NCKAP5: variants seen among roughly 807,000 people sequenced by gnomAD.
NCKAP5 encodes the protein nck-associated protein 5.
Under a neutral mutation model 167.0 loss-of-function variants are expected in NCKAP5, and 92 were observed. The observed-to-expected ratio is 0.55, with a 90% confidence interval of 0.47 to 0.66. The LOEUF is 0.66. NCKAP5 is among the 30% of genes least tolerant of loss of function. The probability of loss-of-function intolerance (pLI) is 0.00; values close to 1 mark genes in which losing one functional copy is unlikely to be tolerated. For synonymous variants in NCKAP5, 891 were observed against 877.4 expected, an observed-to-expected ratio of 1.02 and a Z score of -0.27; for missense variants, 2,378 against 2,315.0, an observed-to-expected ratio of 1.03 and a Z score of -0.56.
At chr2:132,790,740 C>T (rs1684000449) in intron 12 of NCKAP5, among the ~76,000 whole-genome samples, 1 of 152,132 alleles carries the variant, frequency 6.6e-6, no homozygotes, top group Non-Finnish European at 1.5e-5. Flanking sequence ...TCTCTTTCTT[C>T]AAAGGAAATC....
chr2:132,725,525 A>T (rs911003433), intron 19 of NCKAP5, 102 bp downstream of exon 19: 9 of 1,375,344 alleles, frequency 6.5e-6, no homozygotes, highest in African/African-American at 1.5e-5. Flanking sequence ...TGAAGAAAAA[A>T]CATAAAATCA....
intron 3 of NCKAP5, among the ~76,000 whole-genome samples, chr2:133,385,278 G>A (rs544902820): frequency 6.6e-6 from 1 of 152,230 alleles, no homozygotes; most frequent in African/African-American, 2.4e-5. Flanking sequence ...TTTTGTCAAA[G>A]GCCTTTTCTG....
At chr2:133,451,593 C>T (rs551531460) in intron 3 of NCKAP5, among the ~76,000 whole-genome samples, 1 of 152,304 alleles carries the variant, frequency 6.6e-6, no homozygotes, top group East Asian at 1.9e-4. Flanking sequence ...AACATATCAA[C>T]TTCACTAAGA....
chr2:133,535,038 A>T (rs893844886), intron 2 of NCKAP5, among the ~76,000 whole-genome samples: 1 of 152,192 alleles, frequency 6.6e-6, no homozygotes, highest in Non-Finnish European at 1.5e-5. Context: ...AGTGGGTATG[A>T]AGAGGTATCT....
the NCKAP5 span, among the ~76,000 whole-genome samples, chr2:133,608,774 C>T: frequency 3.3e-5 from 5 of 152,132 alleles, no homozygotes; most frequent in African/African-American, 1.2e-4. Flanking sequence ...TCCTCAAACC[C>T]AAGTTCAATT....
intron 3 of NCKAP5, among the ~76,000 whole-genome samples, chr2:133,392,867 G>A (rs1201617945): frequency 6.6e-6 from 1 of 152,160 alleles, no homozygotes; most frequent in Non-Finnish European, 1.5e-5. Context: ...GAGGGATCAT[G>A]TGTATTACTG....
At chr2:133,419,098 GTTC>G (rs1268314286) in intron 3 of NCKAP5, among the ~76,000 whole-genome samples, 3 of 152,308 alleles carry the variant, frequency 2.0e-5, no homozygotes, top group Admixed American at 6.5e-5. Context: ...TTGGAACTCT[GTTC>G]TTCTGTCCCT....
At position 132,687,268 on chromosome 2, in the gene NCKAP5, G is replaced by A. The variant is rs557655733; in HGVS notation, c.5714-13963C>T. On this transcript the variant is annotated intron_variant, in intron 19 of 19. Transcript: ENST00000409261. ...GGTCGCCTCTGCAGATCTTTAGCCT[G>A]GCCTGTGCAATTGTATTGCACAGAG... Among the ~76,000 whole-genome samples the A allele has an allele frequency of 2.2e-3, 335 of 152,220 alleles. 1 individual carries two copies. Among genetic ancestry groups the A allele is most frequent in the Non-Finnish European group, 3.0e-3 (204 of 68,012 alleles).
At chr2:132,731,100 T>C (rs1690958415) in intron 17 of NCKAP5, among the ~76,000 whole-genome samples, 1 of 152,172 alleles carries the variant, frequency 6.6e-6, no homozygotes, top group Non-Finnish European at 1.5e-5. Context: ...AAAAATTATT[T>C]AGTGTCATCC....
chr2:133,531,807 C>G (rs747463679), intron 2 of NCKAP5, among the ~76,000 whole-genome samples: 5 of 152,150 alleles, frequency 3.3e-5, no homozygotes, highest in Admixed American at 2.0e-4. Flanking sequence ...CTGAAAAGTA[C>G]ATAAAGCAAC....
the NCKAP5 span, among the ~76,000 whole-genome samples, chr2:133,603,228 C>T: frequency 6.5e-5 from 9 of 137,902 alleles, no homozygotes; most frequent in South Asian, 2.3e-4. Context: ...CTTTTTCTTT[C>T]TTTTTTTTTT....
At chr2:133,244,416 T>C (rs1416733355) in intron 4 of NCKAP5, among the ~76,000 whole-genome samples, 2 of 152,196 alleles carry the variant, frequency 1.3e-5, no homozygotes, top group Non-Finnish European at 2.9e-5. Flanking sequence ...CCAATCTGTC[T>C]CATACAATTT....
At chr2:133,072,311 C>T (rs192996543) in intron 6 of NCKAP5, among the ~76,000 whole-genome samples, 1 of 152,070 alleles carries the variant, frequency 6.6e-6, no homozygotes, top group African/African-American at 2.4e-5. Context: ...GTCTTGAACT[C>T]CAGGCTCTTC....
chr2:133,407,274 C>G (rs1688498373), intron 3 of NCKAP5, among the ~76,000 whole-genome samples: 1 of 152,202 alleles, frequency 6.6e-6, no homozygotes, highest in Non-Finnish European at 1.5e-5. Flanking sequence ...GTCAGGAGAA[C>G]TATGTTGTTT....
rs1442541783 is a variant in NCKAP5, at chr2:132,785,625, T to C, written c.1186A>G (p.Ile396Val). 6.4e-7 allele frequency: 1 copy of C among 1,560,062 alleles called. No homozygotes were observed. The highest frequency in any genetic ancestry group is 1.4e-5 in the African/African-American group (1 of 72,988). Residue 396 changes from isoleucine (I) to valine (V), a missense_variant, in exon 14 of 20, where the codon ATC (isoleucine) becomes GTC (valine). By Grantham distance (29) the Ile-to-Val change is conservative. Coordinates refer to ENST00000409261, the MANE Select transcript of NCKAP5 (RefSeq NM_207363.3). ...CCTTCCAAAATGTGGCTTTCCTTGATACGAGTTGGAGGTAGTTCATTTGTA... is the reference window on the plus strand; with the variant it reads ...CCTTCCAAAATGTGGCTTTCCTTGACACGAGTTGGAGGTAGTTCATTTGTA... ...SPTNELPPTR[I>V]KESHILEGLR...
At chr2:133,037,120 A>C (rs2079063988) in intron 6 of NCKAP5, among the ~76,000 whole-genome samples, 1 of 152,048 alleles carries the variant, frequency 6.6e-6, no homozygotes, top group East Asian at 1.9e-4. Context: ...TATAATAAAA[A>C]CTATAAAACA....
At chr2:132,790,969 G>A (rs955019244) in intron 12 of NCKAP5, among the ~76,000 whole-genome samples, 4 of 152,166 alleles carry the variant, frequency 2.6e-5, no homozygotes, top group Non-Finnish European at 5.9e-5. Context: ...ACAAAAGGAC[G>A]AAGATAGAGT....
chr2:133,130,223 G>A, intron 5 of NCKAP5, 112 bp from the exon 6 acceptor site: 1 of 1,204,192 alleles, frequency 8.3e-7, no homozygotes, highest in Non-Finnish European at 1.1e-6. Flanking sequence ...TTCATCCTTT[G>A]AACAACCCCA....
chr2:132,900,140 A>G (rs1033926745), intron 8 of NCKAP5, among the ~76,000 whole-genome samples: 22 of 152,168 alleles, frequency 1.4e-4, no homozygotes, highest in African/African-American at 5.1e-4. Context: ...AAAACAATTA[A>G]GTATGTCACA....
Sources: gnomAD v4.1 joint callset for allele counts (sites outside exome capture counted in the v4.1 genomes callset) on GRCh38, gnomAD v4.1.1 for gene constraint, MANE v1.5 for transcripts, NCBI Gene and HGNC (gene_info 2026-07-23, HGNC 2026-07-21) for gene names.